KCNIP4: variants seen among roughly 807,000 people sequenced by gnomAD.
The protein encoded by KCNIP4 is Kv channel-interacting protein 4.
In KCNIP4, 12 loss-of-function variants were observed where a neutral mutation model predicts 34.0. That is an observed-to-expected ratio of 0.35 (90% CI 0.23 to 0.57). KCNIP4 has a LOEUF of 0.57. Among genes scored for constraint, KCNIP4 ranks in the 20% least tolerant of loss-of-function variants. KCNIP4 has a pLI of 0.83. For synonymous variants in KCNIP4, 124 were observed against 102.2 expected, an observed-to-expected ratio of 1.21 and a Z score of -1.29; for missense variants, 238 against 311.7, an observed-to-expected ratio of 0.76 and a Z score of 1.78.
At chr4:21,397,417 A>C (rs1723099556) in intron 1 of KCNIP4, among the ~76,000 whole-genome samples, 1 of 152,212 alleles carries the variant, frequency 6.6e-6, no homozygotes, top group Admixed American at 6.5e-5. Flanking sequence ...GAGAGCATCA[A>C]GATAAATAGC....
chr4:21,437,609 T>C (rs1727061314), intron 1 of KCNIP4, among the ~76,000 whole-genome samples: 1 of 152,130 alleles, frequency 6.6e-6, no homozygotes, highest in African/African-American at 2.4e-5. Flanking sequence ...CCGAACTTCT[T>C]TGTGTTAGTG....
chr4:21,883,735 T>C (rs1205279035), intron 1 of KCNIP4, among the ~76,000 whole-genome samples: 2 of 151,930 alleles, frequency 1.3e-5, no homozygotes, highest in Non-Finnish European at 2.9e-5. Context: ...TATTGAAAAA[T>C]AGGGTGGAGG....
chr4:21,178,477 A>G (rs1451433471), intron 1 of KCNIP4, among the ~76,000 whole-genome samples: 1 of 147,206 alleles, frequency 6.8e-6, no homozygotes, highest in Non-Finnish European at 1.5e-5. Flanking sequence ...GGATTCACAG[A>G]CCTCAGTTTA....
intron 1 of KCNIP4, among the ~76,000 whole-genome samples, chr4:21,359,792 G>A (rs963515796): frequency 1.3e-5 from 2 of 151,894 alleles, no homozygotes; most frequent in Non-Finnish European, 2.9e-5. Flanking sequence ...CAATCAAATT[G>A]GTCCTGAGGT....
At chr4:21,116,330 TC>T (rs796141325) in intron 1 of KCNIP4, among the ~76,000 whole-genome samples, 13 of 152,346 alleles carry the variant, frequency 8.5e-5, no homozygotes, top group African/African-American at 3.1e-4. Context: ...GTTGTGGCTT[TC>T]TTAGGCTGTT....
Position 21,201,777 on chromosome 4 carries a change from C to T in KCNIP4, c.62-319068G>A, listed in dbSNP as rs1056834617. 2.0e-5 allele frequency among the ~76,000 whole-genome samples: 3 copies of T among 152,178 alleles called. No homozygotes were observed. The East Asian group carries it at 5.8e-4, about 29-fold the overall frequency. On this transcript the variant is annotated intron_variant, in intron 1 of 8. Coordinates refer to ENST00000382152, the MANE Select transcript of KCNIP4 (RefSeq NM_025221.6). ...CCTCCCAAAATGCTGGGATTATAGG[C>T]GTGAGCCACCACACCCGGCCCATCA...
intron 3 of KCNIP4, among the ~76,000 whole-genome samples, chr4:20,841,224 G>T (rs1178247047): frequency 6.6e-6 from 1 of 152,102 alleles, no homozygotes; most frequent in East Asian, 1.9e-4. Context: ...TATTGGGCTG[G>T]CCTCCAATCT....
At chr4:21,920,504 T>C (rs1021467247) in intron 1 of KCNIP4, among the ~76,000 whole-genome samples, 1 of 152,064 alleles carries the variant, frequency 6.6e-6, no homozygotes, top group African/African-American at 2.4e-5. Context: ...AAAGGCTTCA[T>C]AGTGAGTACA....
intron 1 of KCNIP4, among the ~76,000 whole-genome samples, chr4:21,089,073 T>C (rs1168930960): frequency 1.3e-5 from 2 of 152,216 alleles, no homozygotes; most frequent in African/African-American, 4.8e-5. Flanking sequence ...AATAAGGCCA[T>C]GGCCCCTCCT....
chr4:21,518,171 C>A (rs76596866), intron 1 of KCNIP4, among the ~76,000 whole-genome samples: 358 of 152,226 alleles, frequency 2.4e-3, no homozygotes, highest in African/African-American at 8.0e-3. Context: ...AAGGGTAGTA[C>A]ACACACCCCC....
chr4:21,751,991 G>A (rs146330769), intron 1 of KCNIP4, among the ~76,000 whole-genome samples: 1,999 of 152,226 alleles, frequency 0.013, 22 homozygotes, highest in Middle Eastern at 0.061. Context: ...CCTTCAAGAC[G>A]CATCAAAAGT....
intron 1 of KCNIP4, among the ~76,000 whole-genome samples, chr4:21,794,134 G>A (rs1307551973): frequency 6.6e-6 from 1 of 152,142 alleles, no homozygotes; most frequent in Non-Finnish European, 1.5e-5. Flanking sequence ...GGGGTAGGGG[G>A]AGGGGAGAGG....
Position 21,000,120 on chromosome 4 carries a change from A to G in KCNIP4, c.62-117411T>C, listed in dbSNP as rs1577511960. Among the ~76,000 whole-genome samples the G allele has an allele frequency of 1.3e-5, 2 of 152,162 alleles. 1 individual carries two copies. The highest frequency in any genetic ancestry group is 4.1e-4 in the South Asian group (2 of 4,834). ...AGAATGGTGAATTTTCCAGGTAGGC[A>G]TATACCATCGATTCCAGCAGGTGCT... On this transcript the variant is annotated intron_variant, in intron 1 of 8. Transcript: ENST00000382152.
At chr4:20,814,968 C>A (rs1351148123) in intron 3 of KCNIP4, among the ~76,000 whole-genome samples, 3 of 152,034 alleles carry the variant, frequency 2.0e-5, no homozygotes, top group African/African-American at 7.2e-5. Flanking sequence ...TCCCTTTATT[C>A]ATCTAATAAT....
At position 21,192,943 on chromosome 4, in the gene KCNIP4, C is replaced by CTAA. The variant is rs1491157367; in HGVS notation, c.62-310235_62-310234insTTA. The stretch of plus-strand genomic sequence containing the variant: ...ACTACTACTACTACTACTACTACTA[C>CTAA]TACTACTACTAATAATAATAATAAT... On this transcript the variant is annotated intron_variant, in intron 1 of 8. Coordinates refer to ENST00000382152, the MANE Select transcript of KCNIP4 (RefSeq NM_025221.6). 2.5e-3 allele frequency among the ~76,000 whole-genome samples: 358 copies of CTAA among 145,312 alleles called. 6 individuals carry two copies. Among genetic ancestry groups the CTAA allele is most frequent in the African/African-American group, 8.8e-3 (345 of 39,246 alleles).
chr4:21,125,576 C>T (rs1330939137), intron 1 of KCNIP4, among the ~76,000 whole-genome samples: 1 of 152,070 alleles, frequency 6.6e-6, no homozygotes, highest in Non-Finnish European at 1.5e-5. Context: ...TTCATCAGGT[C>T]TGGGGTAGAG....
chr4:21,474,283 G>GTTA (rs1560441030), intron 1 of KCNIP4, among the ~76,000 whole-genome samples: 1 of 152,108 alleles, frequency 6.6e-6, no homozygotes, highest in Non-Finnish European at 1.5e-5. Flanking sequence ...TAACTTTTCT[G>GTTA]TTATTATTAT....
intron 1 of KCNIP4, among the ~76,000 whole-genome samples, chr4:21,895,524 T>C (rs989086072): frequency 6.6e-6 from 1 of 152,164 alleles, no homozygotes; most frequent in African/African-American, 2.4e-5. Context: ...TTAGGAATGA[T>C]AATAAATCCT....
chr4:21,541,212 G>A (rs1454027072), intron 1 of KCNIP4, among the ~76,000 whole-genome samples: 1 of 149,874 alleles, frequency 6.7e-6, no homozygotes, highest in Non-Finnish European at 1.5e-5. Context: ...GAGAGAGAGA[G>A]ATGAAAAAAT....
Sources: allele counts gnomAD v4.1 joint callset (sites outside exome capture counted in the v4.1 genomes callset), GRCh38; gene constraint gnomAD v4.1.1; transcripts MANE v1.5; gene names NCBI Gene and HGNC (gene_info 2026-07-23, HGNC 2026-07-21).